Variants in RALGAPA1 observed in about 807,000 individuals in gnomAD.
RALGAPA1 encodes Ral GTPase activating protein catalytic subunit alpha 1.
In RALGAPA1, 52 loss-of-function variants were observed where a neutral mutation model predicts 269.6. The observed-to-expected ratio is 0.19, with a 90% CI of 0.15 to 0.24. The LOEUF is 0.24. Ranked by LOEUF, RALGAPA1 falls within the 10% of genes least tolerant of loss-of-function variation. The pLI, the probability that RALGAPA1 is intolerant of heterozygous loss-of-function variation, is 1.00. For missense variants in RALGAPA1, 1,917 were observed against 3,013.9 expected (o/e 0.64, Z 8.52); for synonymous variants, 817 against 1,008.3 (o/e 0.81, Z 3.60).
At chr14:35,784,129 C>T (rs1477336521) in intron 1 of RALGAPA1, among the ~76,000 whole-genome samples, 4 of 139,332 alleles carry the variant, frequency 2.9e-5, no homozygotes, top group Non-Finnish European at 6.3e-5. Context: ...TCATCTCTAT[C>T]AAAAAAAAAA....
intron 1 of RALGAPA1, among the ~76,000 whole-genome samples, chr14:35,804,349 T>C (rs961999351): frequency 7.0e-6 from 1 of 142,920 alleles, no homozygotes; most frequent in Non-Finnish European, 1.5e-5. Flanking sequence ...GGCTTGAGGA[T>C]CACGAGGTCA....
intron 31 of RALGAPA1, among the ~76,000 whole-genome samples, chr14:35,640,321 T>C (rs1175977424): frequency 6.6e-6 from 1 of 151,892 alleles, no homozygotes; most frequent in Non-Finnish European, 1.5e-5. Context: ...AATTGATTTT[T>C]TAAAAAAGAT....
intron 39 of RALGAPA1, among the ~76,000 whole-genome samples, chr14:35,570,297 A>G (rs1345209436): frequency 1.3e-5 from 2 of 151,484 alleles, no homozygotes; most frequent in Non-Finnish European, 2.9e-5. Flanking sequence ...CATGTGAAAG[A>G]AAATATATCA....
intron 26 of RALGAPA1, 40 bp downstream of exon 26, chr14:35,671,349 C>A: frequency 1.3e-6 from 2 of 1,495,388 alleles, no homozygotes. Flanking sequence ...TGAATCCTGG[C>A]TAAAGTTTGT....
At chr14:35,636,501 T>C (rs1254632213) in intron 31 of RALGAPA1, among the ~76,000 whole-genome samples, 2 of 152,050 alleles carry the variant, frequency 1.3e-5, no homozygotes, top group African/African-American at 4.8e-5. Context: ...ACAAAGAACA[T>C]CCAAACTTCA....
chr14:35,607,151 CAG>C, intron 35 of RALGAPA1, among the ~76,000 whole-genome samples: 1 of 152,306 alleles, frequency 6.6e-6, no homozygotes, highest in South Asian at 2.1e-4. Flanking sequence ...ATAGAGCAAA[CAG>C]GGAAATATTC....
chr14:35,797,626 A>C (rs2076671028), intron 1 of RALGAPA1, among the ~76,000 whole-genome samples: 1 of 151,798 alleles, frequency 6.6e-6, no homozygotes, highest in Non-Finnish European at 1.5e-5. Context: ...AGGGCGGATC[A>C]CCTGAGGTCT....
intron 35 of RALGAPA1, among the ~76,000 whole-genome samples, chr14:35,616,053 C>T (rs75738334): frequency 2.6e-5 from 4 of 151,648 alleles, no homozygotes; most frequent in Admixed American, 6.6e-5. Flanking sequence ...GAGTTGGGAG[C>T]GGTAAAGGCA....
intron 39 of RALGAPA1, among the ~76,000 whole-genome samples, chr14:35,555,397 G>C (rs1051790834): frequency 1.3e-5 from 2 of 151,738 alleles, no homozygotes; most frequent in Non-Finnish European, 2.9e-5. Context: ...TATAGAGAAG[G>C]GAAAAAAAGG....
At chr14:35,662,150 T>A (rs1330162457) in intron 27 of RALGAPA1, among the ~76,000 whole-genome samples, 2 of 152,158 alleles carry the variant, frequency 1.3e-5, no homozygotes, top group Non-Finnish European at 2.9e-5. Context: ...AGCAAACAGC[T>A]CATCTGAGAA....
At chr14:35,794,188 AGTTTGGCTGCGCACAG>A (rs1297824480) in intron 1 of RALGAPA1, among the ~76,000 whole-genome samples, 1 of 152,154 alleles carries the variant, frequency 6.6e-6, no homozygotes, top group East Asian at 1.9e-4. Context: ...AAAATAATCA[AGTTTGGCTGCGCACAG>A]TGGCTCATGC....
intron 1 of RALGAPA1, among the ~76,000 whole-genome samples, chr14:35,783,735 A>G (rs2075611987): frequency 6.6e-6 from 1 of 152,188 alleles, no homozygotes; most frequent in South Asian, 2.1e-4. Context: ...TAAAACAAAA[A>G]TTTTTAATGG....
chr14:35,683,185 C>T (rs778962884), intron 21 of RALGAPA1, among the ~76,000 whole-genome samples: 1 of 152,186 alleles, frequency 6.6e-6, no homozygotes, highest in Non-Finnish European at 1.5e-5. Context: ...TGCTCAGGCT[C>T]ATTCTAATCA....
At chr14:35,722,861 C>T (rs567479525) in intron 15 of RALGAPA1, among the ~76,000 whole-genome samples, 166 bp downstream of exon 15, 287 of 151,944 alleles carry the variant, frequency 1.9e-3, no homozygotes, top group African/African-American at 6.7e-3. Flanking sequence ...AAATTGCTTA[C>T]GATAAAAAGG....
chr14:35,662,135 G>A (rs1849965352), intron 27 of RALGAPA1, among the ~76,000 whole-genome samples: 1 of 152,138 alleles, frequency 6.6e-6, no homozygotes, highest in South Asian at 2.1e-4. Context: ...ACAAAGTTCT[G>A]TGTGAGCAAA....
chr14:35,559,976 G>C (rs1437249246), intron 39 of RALGAPA1, among the ~76,000 whole-genome samples: 1 of 152,124 alleles, frequency 6.6e-6, no homozygotes, highest in Non-Finnish European at 1.5e-5. Context: ...CAAACATTTA[G>C]AGATCTTAGT....
intron 1 of RALGAPA1, among the ~76,000 whole-genome samples, chr14:35,790,340 C>A (rs2076069343): frequency 6.6e-6 from 1 of 151,950 alleles, no homozygotes; most frequent in African/African-American, 2.4e-5. Flanking sequence ...GATCTTTGGG[C>A]AACAATGATA....
intron 1 of RALGAPA1, among the ~76,000 whole-genome samples, chr14:35,806,398 T>C (rs1175922084): frequency 6.6e-6 from 1 of 151,824 alleles, no homozygotes; most frequent in Non-Finnish European, 1.5e-5. Context: ...CAGACAAGGC[T>C]TTTTTTTCTG....
chr14:35,648,689 T>A (rs1288644909), intron 31 of RALGAPA1, among the ~76,000 whole-genome samples: 1 of 151,946 alleles, frequency 6.6e-6, no homozygotes, highest in African/African-American at 2.4e-5. Context: ...GTGGTCCCAT[T>A]TTGGGGGCTG....
Sources: gnomAD v4.1 joint callset for allele counts (sites outside exome capture counted in the v4.1 genomes callset) on GRCh38, gnomAD v4.1.1 for gene constraint, MANE v1.5 for transcripts, NCBI Gene and HGNC (gene_info 2026-07-23, HGNC 2026-07-21) for gene names.